Variants in PTPN21 observed in about 807,000 individuals in gnomAD.
PTPN21 encodes protein tyrosine phosphatase non-receptor type 21.
Under a neutral mutation model 131.8 loss-of-function variants are expected in PTPN21, and 77 were observed. The observed-to-expected ratio is 0.58, with a 90% CI of 0.49 to 0.71. The LOEUF (loss-of-function observed/expected upper bound fraction) is 0.71, where lower values mean the gene tolerates loss of function less well. Ranked by LOEUF, PTPN21 falls within the 30% of genes least tolerant of loss-of-function variation. PTPN21 has a pLI of 0.00. For synonymous variants in PTPN21, 715 were observed against 621.3 expected (o/e 1.15, Z -2.24); for missense variants, 1,552 against 1,527.1 (o/e 1.02, Z -0.27).
At chr14:88,534,589 G>A (rs900066774) in intron 2 of PTPN21, among the ~76,000 whole-genome samples, 4 of 151,946 alleles carry the variant, frequency 2.6e-5, no homozygotes, top group African/African-American at 9.7e-5. Flanking sequence ...ATTTATTATC[G>A]AAGGCCAGGT....
chr14:88,528,332 G>T (rs2078510305), intron 2 of PTPN21, among the ~76,000 whole-genome samples: 1 of 152,184 alleles, frequency 6.6e-6, no homozygotes, highest in Non-Finnish European at 1.5e-5. Context: ...TTTCAGCAGT[G>T]TTTTGTAGTT....
chr14:88,537,534 T>C (rs937093265), intron 2 of PTPN21, among the ~76,000 whole-genome samples: 6 of 152,158 alleles, frequency 3.9e-5, no homozygotes, highest in Non-Finnish European at 5.9e-5. Context: ...GAATACAGCA[T>C]TGAACATGAG....
intron 3 of PTPN21, among the ~76,000 whole-genome samples, chr14:88,511,181 G>A (rs930595869): frequency 1.3e-5 from 2 of 152,152 alleles, no homozygotes; most frequent in Admixed American, 6.5e-5. Context: ...CATCCAAAGT[G>A]CTGGGATTAC....
chr14:88,533,490 CTA>C (rs2078581752), intron 2 of PTPN21, among the ~76,000 whole-genome samples: 1 of 152,190 alleles, frequency 6.6e-6, no homozygotes, highest in Non-Finnish European at 1.5e-5. Flanking sequence ...GCACATACAA[CTA>C]TGTACAGTAC....
Position 88,468,151 on chromosome 14 carries a change from A to C in PTPN21, c.3511T>G (p.Ser1171Ala). 1 of 1,613,962 alleles carries C rather than the reference A, an allele frequency of 6.2e-7. No individual in the cohort carries two copies. ...YRVLIQFLKS[S>A]RLI Reference sequence around the variant, plus strand: ...ATTGTGGGAGCTTAGATGAGCCTGGAGCTTTTCAGGAACTGGATGAGGACT... The same window carrying C: ...ATTGTGGGAGCTTAGATGAGCCTGGCGCTTTTCAGGAACTGGATGAGGACT... The change falls in exon 19 of 19, where the codon TCC becomes GCC. Residue 1171 changes from serine to alanine, a missense_variant. Ser to Ala is a moderately conservative substitution (Grantham distance 99). Coordinates refer to ENST00000556564, the MANE Select transcript of PTPN21 (RefSeq NM_007039.4).
At chr14:88,534,242 G>A (rs574080362) in intron 2 of PTPN21, among the ~76,000 whole-genome samples, 6 of 151,754 alleles carry the variant, frequency 4.0e-5, no homozygotes, top group African/African-American at 9.7e-5. Context: ...GGCGGGGGGC[G>A]CTTGGTGGTG....
intron 10 of PTPN21, among the ~76,000 whole-genome samples, chr14:88,494,548 G>C (rs1441832589): frequency 6.6e-6 from 1 of 152,136 alleles, no homozygotes; most frequent in Non-Finnish European, 1.5e-5. Flanking sequence ...TGTGGTACCA[G>C]CTACTCAGGA....
chr14:88,500,912 A>G, intron 7 of PTPN21, 41 bp from the exon 8 acceptor site: 2 of 1,413,212 alleles, frequency 1.4e-6, no homozygotes, highest in Non-Finnish European at 2.0e-6. Flanking sequence ...CAGGAAGCAG[A>G]TGCAGAGGAA....
intron 8 of PTPN21, among the ~76,000 whole-genome samples, chr14:88,499,594 G>A (rs182880906): frequency 5.7e-4 from 87 of 152,240 alleles, no homozygotes; most frequent in Admixed American, 3.9e-3. Flanking sequence ...ATTATCACAC[G>A]TGCAAAGTGG....
intron 14 of PTPN21, among the ~76,000 whole-genome samples, chr14:88,472,967 T>C (rs917886515): frequency 4.6e-5 from 7 of 152,166 alleles, no homozygotes; most frequent in Non-Finnish European, 7.3e-5. Flanking sequence ...ATGCAAACTT[T>C]TGTTTAAAGT....
chr14:88,503,071 C>G (rs1459616185), intron 6 of PTPN21, among the ~76,000 whole-genome samples: 1 of 144,624 alleles, frequency 6.9e-6, no homozygotes, highest in South Asian at 2.1e-4. Flanking sequence ...TTTTTTTGCT[C>G]TGTCACCAGG....
chr14:88,550,195 T>C (rs762820047), intron 2 of PTPN21, 43 bp downstream of exon 2: 3 of 1,579,000 alleles, frequency 1.9e-6, no homozygotes, highest in Non-Finnish European at 2.6e-6. Flanking sequence ...ATTACAGGCT[T>C]GAGCCACCCG....
chr14:88,468,964 G>A lies in PTPN21; in HGVS notation c.3348C>T (p.Gly1116=), dbSNP rs75392975. ...TCATGATCTCCGACAAAATCACCAC[G>A]CCAGTCCTTCCTACCCCAGCACTGC... ...VHCSAGVGRT[G]VVILSEIMIA... is the part of the protein sequence containing the mutation. Residue 1116 remains glycine (G), a synonymous_variant, in exon 18 of 19, where the codon GGC becomes GGT. Coordinates refer to ENST00000556564, the MANE Select transcript of PTPN21 (RefSeq NM_007039.4). 8.9e-5 allele frequency: 144 copies of A among 1,614,106 alleles called. No individual in the cohort carries two copies. In the African/African-American group the frequency reaches 1.1e-3, roughly 12 times the overall value.
intron 12 of PTPN21, 104 bp downstream of exon 12, chr14:88,484,972 T>G: frequency 1.2e-6 from 1 of 861,930 alleles, no homozygotes; most frequent in Non-Finnish European, 1.9e-6. Flanking sequence ...CAATTTGGGG[T>G]GCAACTTCAG....
chr14:88,500,488 A>G (rs752863190), intron 8 of PTPN21, among the ~76,000 whole-genome samples: 1 of 152,150 alleles, frequency 6.6e-6, no homozygotes, highest in Admixed American at 6.5e-5. Flanking sequence ...TTAAACATTC[A>G]TATCAAAGCA....
At chr14:88,501,457 GC>G in intron 6 of PTPN21, 89 bp from the exon 7 acceptor site, 3 of 1,085,784 alleles carry the variant, frequency 2.8e-6, no homozygotes, top group Non-Finnish European at 4.2e-6. Flanking sequence ...TGTCAATTTA[GC>G]ATAAGACATT....
intron 10 of PTPN21, among the ~76,000 whole-genome samples, chr14:88,495,597 G>T (rs143175143): frequency 5.9e-5 from 9 of 152,294 alleles, no homozygotes; most frequent in Admixed American, 5.9e-4. Context: ...GGCTCAGGGG[G>T]AGGACAGGTC....
chr14:88,505,587 T>TA (rs920667939), intron 4 of PTPN21, among the ~76,000 whole-genome samples: 2 of 151,774 alleles, frequency 1.3e-5, no homozygotes. Context: ...ATGAATTAAA[T>TA]AAAAAAACAA....
chr14:88,552,483 C>T (rs1455623972), intron 1 of PTPN21: 1 of 152,196 alleles, frequency 6.6e-6, no homozygotes, highest in Non-Finnish European at 1.5e-5. Context: ...AGAGCTGTAT[C>T]TCTAATAAGG....
Sources: allele counts gnomAD v4.1 joint callset (sites outside exome capture counted in the v4.1 genomes callset), GRCh38; gene constraint gnomAD v4.1.1; transcripts MANE v1.5; gene names NCBI Gene and HGNC (gene_info 2026-07-23, HGNC 2026-07-21).